POU2F1: variants seen among roughly 807,000 people sequenced by gnomAD.
The protein encoded by POU2F1 is POU class 2 homeobox 1.
A neutral mutation model predicts 84.9 loss-of-function variants in POU2F1; 16 were observed. That is an observed-to-expected ratio of 0.19 (90% confidence interval 0.13 to 0.29). POU2F1 has a LOEUF of 0.29. Ranked by LOEUF, POU2F1 falls within the 10% of genes least tolerant of loss-of-function variation. The pLI is 1.00. For synonymous variants in POU2F1, 368 were observed against 368.3 expected, an observed-to-expected ratio of 1.00 and a Z score of 0.01; for missense variants, 738 against 942.6, an observed-to-expected ratio of 0.78 and a Z score of 2.84.
intron 2 of POU2F1, among the ~76,000 whole-genome samples, chr1:167,351,939 A>G (rs1658612844): frequency 6.6e-6 from 1 of 152,184 alleles, no homozygotes; most frequent in African/African-American, 2.4e-5. Flanking sequence ...GAAAAATGAC[A>G]ACAGGAATAG....
At chr1:167,372,443 C>T (rs1298675421) in intron 5 of POU2F1, among the ~76,000 whole-genome samples, 3 of 152,174 alleles carry the variant, frequency 2.0e-5, no homozygotes, top group Non-Finnish European at 4.4e-5. Flanking sequence ...AAACATTTTT[C>T]TTTAAGTTAC....
intron 8 of POU2F1, chr1:167,387,382 T>C (rs1648054846): frequency 8.1e-6 from 3 of 370,756 alleles, no homozygotes; most frequent in South Asian, 5.9e-5. Context: ...TACAGCTACA[T>C]AGGGGTCTGC....
intron 1 of POU2F1, among the ~76,000 whole-genome samples, chr1:167,328,561 T>C (rs1442053055): frequency 3.9e-5 from 6 of 152,198 alleles, no homozygotes; most frequent in African/African-American, 1.4e-4. Flanking sequence ...TTAAAGGTGC[T>C]TAAGTCTGTA....
Position 167,416,034 on chromosome 1 carries a change from A to T in POU2F1, c.*224A>T, listed in dbSNP as rs1395312162. The T allele has an allele frequency of 1.5e-6, 1 of 661,382 alleles. No homozygotes were observed. The highest frequency in any genetic ancestry group is 2.7e-6 in the Non-Finnish European group (1 of 370,758). The allele number at this position is 661,382 out of a possible 1,614,324, so 41.0% of individuals were successfully genotyped here. On this transcript the variant is annotated 3_prime_UTR_variant, in exon 16 of 16. Coordinates refer to ENST00000367866, the MANE Select transcript of POU2F1 (RefSeq NM_002697.4). The stretch of plus-strand genomic sequence containing the variant: ...AACATTTGCCTAATTTTGTAATAAA[A>T]CACTGTCTTTTCAGGATTGCTTCAT...
At chr1:167,414,269 TC>T in intron 15 of POU2F1, 1 of 955,490 alleles carries the variant, frequency 1.0e-6, no homozygotes, top group South Asian at 4.8e-5. Flanking sequence ...AATCACTTTT[TC>T]TTCTGCTTTA....
chr1:167,248,453 G>C (rs78829417), intron 1 of POU2F1, among the ~76,000 whole-genome samples: 1,937 of 152,260 alleles, frequency 0.013, 41 homozygotes, highest in African/African-American at 0.045. Flanking sequence ...CTCACAGTTC[G>C]GTAGGGAAAG....
Position 167,260,246 on chromosome 1 carries a change from T to A in POU2F1, c.61+39288T>A, listed in dbSNP as rs926337792. ...GTTAAAAAAATCGTTACATCTTTCA[T>A]TGATTTTTAGGAATTTTTAAATTCT... On this transcript the variant is annotated intron_variant, in intron 1 of 15. Coordinates refer to ENST00000367866, the MANE Select transcript of POU2F1 (RefSeq NM_002697.4). 4.6e-5 allele frequency among the ~76,000 whole-genome samples: 7 copies of A among 152,230 alleles called. No homozygotes were observed. The East Asian group carries it at 1.3e-3, about 29-fold the overall frequency.
chr1:167,263,271 G>A (rs1432662563), intron 1 of POU2F1, among the ~76,000 whole-genome samples: 1 of 152,152 alleles, frequency 6.6e-6, no homozygotes, highest in Non-Finnish European at 1.5e-5. Flanking sequence ...TGTAATCCCA[G>A]CACTTTGGGA....
At chr1:167,375,369 A>G (rs1660252288) in intron 6 of POU2F1, among the ~76,000 whole-genome samples, 1 of 152,222 alleles carries the variant, frequency 6.6e-6, no homozygotes, top group Non-Finnish European at 1.5e-5. Context: ...TTTAGTGCCT[A>G]AGCTGTGAGA....
At chr1:167,277,166 G>A (rs939678302) in intron 1 of POU2F1, among the ~76,000 whole-genome samples, 2 of 152,020 alleles carry the variant, frequency 1.3e-5, no homozygotes, top group Admixed American at 1.3e-4. Context: ...CTGTGAGGTC[G>A]TGCTTTCTCG....
At chr1:167,297,501 T>C (rs150644238) in intron 1 of POU2F1, among the ~76,000 whole-genome samples, 93 of 152,286 alleles carry the variant, frequency 6.1e-4, no homozygotes, top group African/African-American at 2.1e-3. Context: ...AAGAGAGTAG[T>C]CTCAGTATTC....
At chr1:167,375,409 A>G (rs948755171) in intron 6 of POU2F1, among the ~76,000 whole-genome samples, 6 of 152,252 alleles carry the variant, frequency 3.9e-5, no homozygotes, top group African/African-American at 1.4e-4. Context: ...TAAATAAGAT[A>G]ACGTTCATGA....
chr1:167,329,177 T>C (rs928809379), intron 1 of POU2F1: 6 of 1,499,304 alleles, frequency 4.0e-6, no homozygotes, highest in Middle Eastern at 1.7e-4. Context: ...AAGAACATAC[T>C]GTAGATTTGT....
At chr1:167,257,574 A>T (rs1651237325) in intron 1 of POU2F1, among the ~76,000 whole-genome samples, 1 of 152,220 alleles carries the variant, frequency 6.6e-6, no homozygotes, top group Non-Finnish European at 1.5e-5. Context: ...TATTAAAACT[A>T]TTTGAGGCAA....
At chr1:167,317,690 G>A (rs1656009614) in intron 1 of POU2F1, among the ~76,000 whole-genome samples, 1 of 152,160 alleles carries the variant, frequency 6.6e-6, no homozygotes, top group African/African-American at 2.4e-5. Flanking sequence ...TTCCATCCTG[G>A]GTGGGCCAGG....
intron 2 of POU2F1, among the ~76,000 whole-genome samples, chr1:167,355,875 TTG>T (rs1292316280): frequency 3.9e-5 from 6 of 152,130 alleles, no homozygotes; most frequent in African/African-American, 1.2e-4. Context: ...TTTCAGGACT[TTG>T]TATCTTTTAA....
intron 11 of POU2F1, among the ~76,000 whole-genome samples, chr1:167,398,825 A>T (rs1648993328): frequency 2.0e-5 from 3 of 151,960 alleles, no homozygotes; most frequent in Admixed American, 1.3e-4. Context: ...CTTCATTGTG[A>T]AATACCTGCC....
At chr1:167,269,565 T>C (rs1278442020) in intron 1 of POU2F1, among the ~76,000 whole-genome samples, 1 of 152,192 alleles carries the variant, frequency 6.6e-6, no homozygotes, top group Non-Finnish European at 1.5e-5. Context: ...AGGAATAGTA[T>C]TTCTTTTTTA....
chr1:167,337,116 T>C (rs548041478), intron 2 of POU2F1, among the ~76,000 whole-genome samples: 1 of 151,258 alleles, frequency 6.6e-6, no homozygotes, highest in Non-Finnish European at 1.5e-5. Flanking sequence ...TGAGCCGAGA[T>C]TGGGCCATTG....
Sources: gnomAD v4.1 joint callset for allele counts (sites outside exome capture counted in the v4.1 genomes callset) on GRCh38, gnomAD v4.1.1 for gene constraint, MANE v1.5 for transcripts, NCBI Gene and HGNC (gene_info 2026-07-23, HGNC 2026-07-21) for gene names.